Variants in ATP6V0A4 observed in about 807,000 individuals in gnomAD.
The protein encoded by ATP6V0A4 is ATPase H+ transporting V0 subunit a4.
Under a neutral mutation model 107.3 loss-of-function variants are expected in ATP6V0A4, and 86 were observed. The ratio of observed to expected loss-of-function variants is 0.80; its 90% confidence interval spans 0.67 to 0.96. ATP6V0A4 has a LOEUF of 0.96. Ranked by LOEUF, ATP6V0A4 falls within the 40% of genes least tolerant of loss-of-function variation. ATP6V0A4 has a pLI of 0.00. For missense variants in ATP6V0A4, 908 were observed against 1,045.6 expected (o/e 0.87, Z 1.81); for synonymous variants, 353 against 381.4 (o/e 0.93, Z 0.87).
chr7:138,756,571 G>C, intron 8 of ATP6V0A4, 31 bp from the exon 9 acceptor site: 5 of 1,598,312 alleles, frequency 3.1e-6, no homozygotes, highest in South Asian at 1.1e-5. Context: ...AAAAAAAAAG[G>C]GGGGGGTTTC....
intron 5 of ATP6V0A4, among the ~76,000 whole-genome samples, chr7:138,763,631 A>C (rs1004633918): frequency 1.3e-5 from 2 of 151,998 alleles, no homozygotes; most frequent in Non-Finnish European, 2.9e-5. Flanking sequence ...CCATTTCAAA[A>C]AAATAAATAA....
Position 138,752,799 on chromosome 7 carries a change from C to T in ATP6V0A4, c.855G>A (p.Leu285=). The part of the protein sequence containing the change: ...TQTESHRQRL[L]QEAAANWHSW... Reference sequence around the variant, plus strand: ...AGTGCCAGTTGGCAGCGGCTTCCTGCAGCAGGCGCTGGCGGTGAGACTCTG... The same window carrying T: ...AGTGCCAGTTGGCAGCGGCTTCCTGTAGCAGGCGCTGGCGGTGAGACTCTG... The change falls in exon 11 of 22, where the codon CTG becomes CTA. Residue 285 remains leucine (L), a synonymous_variant. Coordinates refer to ENST00000310018, the MANE Select transcript of ATP6V0A4 (RefSeq NM_020632.3). 1 of 1,614,192 alleles carries T rather than the reference C, an allele frequency of 6.2e-7. No homozygotes were observed. Among genetic ancestry groups the T allele is most frequent in the East Asian group, 2.2e-5 (1 of 44,888 alleles).
At chr7:138,712,156 TCCTGA>T (rs1208516917) in intron 20 of ATP6V0A4, among the ~76,000 whole-genome samples, 4 of 152,198 alleles carry the variant, frequency 2.6e-5, no homozygotes, top group African/African-American at 4.8e-5. Context: ...GGTCTCGAAC[TCCTGA>T]CCTCAGGTAA....
chr7:138,731,008 A>G (rs1804985053), intron 17 of ATP6V0A4, among the ~76,000 whole-genome samples: 1 of 143,048 alleles, frequency 7.0e-6, no homozygotes, highest in South Asian at 2.2e-4. Context: ...ATCTTGGCTC[A>G]CTGCAACCTC....
intron 2 of ATP6V0A4, among the ~76,000 whole-genome samples, chr7:138,782,861 G>A (rs111967255): frequency 0.015 from 2,264 of 152,230 alleles, 65 homozygotes; most frequent in African/African-American, 0.052. Context: ...GATCGCCTGA[G>A]GTCAGGAGTT....
At chr7:138,722,988 G>A (rs1394616432) in intron 18 of ATP6V0A4, among the ~76,000 whole-genome samples, 2 of 148,818 alleles carry the variant, frequency 1.3e-5, no homozygotes, top group Non-Finnish European at 1.5e-5. Context: ...AATCTGGGAG[G>A]CAGAGGTTGC....
At chr7:138,733,215 A>G in intron 16 of ATP6V0A4, 122 bp from the exon 17 acceptor site, 1 of 1,493,656 alleles carries the variant, frequency 6.7e-7, no homozygotes, top group Non-Finnish European at 9.0e-7. Flanking sequence ...CACTACTGGC[A>G]AACAACGGCA....
intron 1 of ATP6V0A4, among the ~76,000 whole-genome samples, chr7:138,787,223 G>T (rs1026669452): frequency 6.6e-6 from 1 of 152,188 alleles, no homozygotes. Flanking sequence ...GTGTTAGGAA[G>T]TATACATAGC....
At chr7:138,795,642 TTTTG>T (rs918643671) in intron 1 of ATP6V0A4, among the ~76,000 whole-genome samples, 26 of 152,270 alleles carry the variant, frequency 1.7e-4, no homozygotes, top group Admixed American at 7.2e-4. Flanking sequence ...TTGTTCAAAT[TTTTG>T]TTTGTTTGTT....
intron 3 of ATP6V0A4, among the ~76,000 whole-genome samples, chr7:138,770,013 T>G (rs1187504943): frequency 2.0e-5 from 3 of 152,134 alleles, no homozygotes; most frequent in African/African-American, 7.2e-5. Context: ...ATTGTGCCAC[T>G]GCACTCCAGC....
rs72044473 is a variant in ATP6V0A4 at position 138,756,560 on chromosome 7, T to TAA, written c.640-22_640-21dup. On this transcript the variant is annotated intron_variant, in intron 8 of 21. Transcript: ENST00000310018. ...TTCTTTCTGGAAAATCAGAATAAGT[T>TAA]AAAAAAAAAGGGGGGGGTTTCTTTC... is the stretch of plus-strand genomic sequence containing the variant. 195 of 1,483,834 alleles carry TAA rather than the reference T, an allele frequency of 1.3e-4. 2 individuals carry two copies. The African/African-American group carries it at 2.5e-3, about 19-fold the overall frequency. The allele number at this position is 1,483,834 out of a possible 1,614,324, so 91.9% of individuals were successfully genotyped here.
rs990578278 is a variant in ATP6V0A4 at position 138,731,667 on chromosome 7, T to C, written c.1908+1210A>G. On this transcript the variant is annotated intron_variant, in intron 17 of 21. Transcript: ENST00000310018. ...CAGCACTTTGGGAGTCTGAGGTGGATGGATTACCTGTGGTTAGGAGTTCAA... is the reference window on the plus strand; with the variant it reads ...CAGCACTTTGGGAGTCTGAGGTGGACGGATTACCTGTGGTTAGGAGTTCAA... Among the ~76,000 whole-genome samples, 6 of 152,176 alleles carry C rather than the reference T, an allele frequency of 3.9e-5. No homozygotes were observed. The East Asian group carries it at 9.7e-4, about 25-fold the overall frequency.
chr7:138,775,037 G>T (rs553894370), intron 2 of ATP6V0A4, among the ~76,000 whole-genome samples: 1 of 152,244 alleles, frequency 6.6e-6, no homozygotes, highest in Non-Finnish European at 1.5e-5. Context: ...ACAGCCACCT[G>T]CGTTTGTTTG....
At chr7:138,734,575 G>A (rs572554461) in intron 15 of ATP6V0A4, among the ~76,000 whole-genome samples, 3 of 152,054 alleles carry the variant, frequency 2.0e-5, no homozygotes, top group South Asian at 4.2e-4. Flanking sequence ...TCAGGAGTTC[G>A]AGACCAGTCT....
chr7:138,746,420 T>C (rs1458837379), intron 13 of ATP6V0A4, among the ~76,000 whole-genome samples: 2 of 152,130 alleles, frequency 1.3e-5, no homozygotes, highest in Non-Finnish European at 2.9e-5. Flanking sequence ...TGGAAAACTA[T>C]ATTGGTCACA....
intron 18 of ATP6V0A4, among the ~76,000 whole-genome samples, chr7:138,728,265 G>A (rs1429584999): frequency 1.3e-5 from 2 of 151,660 alleles, no homozygotes; most frequent in African/African-American, 4.9e-5. Flanking sequence ...TCGCCCTTTC[G>A]CCCAGGCTAG....
chr7:138,797,871 C>T (rs1335301736), intron 1 of ATP6V0A4, 163 bp downstream of exon 1: 1 of 967,080 alleles, frequency 1.0e-6, no homozygotes, highest in Non-Finnish European at 1.5e-6. Flanking sequence ...CCCCTCCCTT[C>T]CTTCCTCAGC....
At chr7:138,793,156 G>A (rs1192087663) in intron 1 of ATP6V0A4, among the ~76,000 whole-genome samples, 2 of 152,152 alleles carry the variant, frequency 1.3e-5, no homozygotes, top group South Asian at 2.1e-4. Flanking sequence ...TTACCCGGGG[G>A]TGGTGGCACA....
At chr7:138,715,635 G>C in intron 20 of ATP6V0A4, 129 bp downstream of exon 20, 2 of 1,346,928 alleles carry the variant, frequency 1.5e-6, no homozygotes, top group Non-Finnish European at 2.1e-6. Context: ...GCCTGGGAAA[G>C]AAGAGTCATT....
Sources: gnomAD v4.1 joint callset for allele counts (sites outside exome capture counted in the v4.1 genomes callset) on GRCh38, gnomAD v4.1.1 for gene constraint, MANE v1.5 for transcripts, NCBI Gene and HGNC (gene_info 2026-07-23, HGNC 2026-07-21) for gene names.